SUSD1: variants seen among roughly 807,000 people sequenced by gnomAD.
SUSD1 encodes sushi domain containing 1, also known as sushi domain-containing protein 1.
In SUSD1, 65 loss-of-function variants were observed where a neutral mutation model predicts 86.9. The ratio of observed to expected loss-of-function variants is 0.75; its 90% confidence interval spans 0.61 to 0.92. The LOEUF (loss-of-function observed/expected upper bound fraction) is 0.92, where lower values mean the gene tolerates loss of function less well. Among genes scored for constraint, SUSD1 ranks in the 40% least tolerant of loss-of-function variants. SUSD1 has a pLI of 0.00. For missense variants in SUSD1, 850 were observed against 929.7 expected, an observed-to-expected ratio of 0.91 and a Z score of 1.11; for synonymous variants, 346 against 350.0, an observed-to-expected ratio of 0.99 and a Z score of 0.13.
At chr9:112,073,508 C>G (rs1371216923) in intron 12 of SUSD1, among the ~76,000 whole-genome samples, 1 of 148,548 alleles carries the variant, frequency 6.7e-6, no homozygotes, top group African/African-American at 2.5e-5. Context: ...CCCGCCCCCA[C>G]CCACCCCCAT....
chr9:112,073,511 A>AC (rs966505067), intron 12 of SUSD1, among the ~76,000 whole-genome samples: 1 of 68,452 alleles, frequency 1.5e-5, no homozygotes, highest in Non-Finnish European at 3.0e-5. Context: ...GCCCCCACCC[A>AC]CCCCCATCCT....
At chr9:112,084,585 C>T (rs573304050) in intron 10 of SUSD1, among the ~76,000 whole-genome samples, 3 of 152,260 alleles carry the variant, frequency 2.0e-5, no homozygotes, top group Admixed American at 6.5e-5. Context: ...ACTCTAGGTT[C>T]GCTTCCCTCC....
chr9:112,052,621 G>T (rs1828267596), intron 14 of SUSD1, among the ~76,000 whole-genome samples, 183 bp from the exon 15 acceptor site: 1 of 152,112 alleles, frequency 6.6e-6, no homozygotes, highest in Non-Finnish European at 1.5e-5. Flanking sequence ...GGACCGGCGT[G>T]GGTTGCATGG....
At chr9:112,107,839 G>A (rs1377397427) in intron 8 of SUSD1, among the ~76,000 whole-genome samples, 1 of 152,062 alleles carries the variant, frequency 6.6e-6, no homozygotes, top group Non-Finnish European at 1.5e-5. Flanking sequence ...ATTTCTAAGA[G>A]GAACAGAAAA....
chr9:112,086,550 GAAAGAAAGAA>G (rs1362261030), intron 10 of SUSD1, among the ~76,000 whole-genome samples: 1 of 128,992 alleles, frequency 7.8e-6, no homozygotes, highest in African/African-American at 3.1e-5. Context: ...AAGAAAGAAA[GAAAGAAAGAA>G]AGAGAGAGAG....
intron 8 of SUSD1, among the ~76,000 whole-genome samples, chr9:112,104,328 C>T (rs1224022946): frequency 6.6e-6 from 1 of 151,726 alleles, no homozygotes; most frequent in Non-Finnish European, 1.5e-5. Flanking sequence ...CCTCACCAGG[C>T]AATCTGATAG....
At position 112,058,694 on chromosome 9, in the gene SUSD1, A is replaced by T. The variant is rs1422283820; in HGVS notation, c.1851-8T>A. 6 of 1,613,362 alleles carry T rather than the reference A, an allele frequency of 3.7e-6. No homozygotes were observed. Among genetic ancestry groups the T allele is most frequent in the South Asian group, 1.1e-5 (1 of 91,040 alleles). ...ACTAACACCTGATATGAACTGGAAG[A>T]AAAAAGGAGAAGTGTCCATCAGACC... On this transcript the variant is annotated splice_region_variant and splice_polypyrimidine_tract_variant and intron_variant, in intron 13 of 16. Coordinates refer to ENST00000374270, the MANE Select transcript of SUSD1 (RefSeq NM_022486.5).
intron 5 of SUSD1, among the ~76,000 whole-genome samples, chr9:112,125,983 C>T (rs1199463206): frequency 1.3e-5 from 2 of 152,160 alleles, no homozygotes; most frequent in African/African-American, 4.8e-5. Context: ...CTTTGGTTCC[C>T]TTTTCATGCA....
chr9:112,166,780 T>C (rs1424329402), intron 1 of SUSD1, among the ~76,000 whole-genome samples: 1 of 151,944 alleles, frequency 6.6e-6, no homozygotes, highest in Non-Finnish European at 1.5e-5. Flanking sequence ...AGCAGGGAGG[T>C]GGTTGCCATG....
chr9:112,154,988 C>T (rs1264602441), intron 2 of SUSD1, among the ~76,000 whole-genome samples: 10 of 151,956 alleles, frequency 6.6e-5, no homozygotes, highest in East Asian at 1.9e-4. Context: ...CGGTGGCTCA[C>T]GTCTGTAATC....
intron 5 of SUSD1, among the ~76,000 whole-genome samples, chr9:112,127,651 G>A (rs932591572): frequency 6.6e-6 from 1 of 152,172 alleles, no homozygotes; most frequent in African/African-American, 2.4e-5. Context: ...AGTGAACAAA[G>A]TGGGTAAGAT....
chr9:112,140,121 G>C (rs1832494656), intron 5 of SUSD1, among the ~76,000 whole-genome samples: 1 of 87,426 alleles, frequency 1.1e-5, no homozygotes, highest in Non-Finnish European at 2.2e-5. Flanking sequence ...CCAGCACTTT[G>C]GGAGGCCGAG....
At chr9:112,156,387 C>T (rs1038423732) in intron 2 of SUSD1, among the ~76,000 whole-genome samples, 1 of 150,808 alleles carries the variant, frequency 6.6e-6, no homozygotes, top group Admixed American at 6.7e-5. Flanking sequence ...ACTTGAACCT[C>T]GGAGGCGGAG....
At chr9:112,047,122 G>A (rs1238782410) in intron 15 of SUSD1, among the ~76,000 whole-genome samples, 1 of 152,190 alleles carries the variant, frequency 6.6e-6, no homozygotes, top group Non-Finnish European at 1.5e-5. Flanking sequence ...GGGTGTACAG[G>A]AGGCAAGGCT....
intron 1 of SUSD1, among the ~76,000 whole-genome samples, chr9:112,166,371 C>T (rs892593651): frequency 6.6e-6 from 1 of 152,186 alleles, no homozygotes; most frequent in Non-Finnish European, 1.5e-5. Context: ...GACAGCTGGT[C>T]ATGCTTCCTG....
intron 10 of SUSD1, among the ~76,000 whole-genome samples, chr9:112,093,920 T>C (rs762357727): frequency 8.5e-5 from 13 of 152,214 alleles, no homozygotes; most frequent in Non-Finnish European, 1.9e-4. Flanking sequence ...GATGGAATTA[T>C]TTTAGCTACC....
At chr9:112,125,748 T>C (rs545332248) in intron 5 of SUSD1, among the ~76,000 whole-genome samples, 1 of 152,308 alleles carries the variant, frequency 6.6e-6, no homozygotes, top group South Asian at 2.1e-4. Flanking sequence ...TGTTTCCATA[T>C]CCCCATCAGC....
intron 16 of SUSD1, 33 bp downstream of exon 16, chr9:112,041,834 C>G: frequency 2.5e-6 from 4 of 1,594,168 alleles, no homozygotes; most frequent in Non-Finnish European, 3.4e-6. Context: ...CCCTCCATTC[C>G]AGTCATTTCT....
At chr9:112,170,650 T>G (rs1032079953) in intron 1 of SUSD1, among the ~76,000 whole-genome samples, 9 of 150,060 alleles carry the variant, frequency 6.0e-5, no homozygotes, top group Non-Finnish European at 1.2e-4. Flanking sequence ...CAGCCCATGT[T>G]GCCAGTGACA....
Sources: gnomAD v4.1 joint callset for allele counts (sites outside exome capture counted in the v4.1 genomes callset) on GRCh38, gnomAD v4.1.1 for gene constraint, MANE v1.5 for transcripts, NCBI Gene and HGNC (gene_info 2026-07-23, HGNC 2026-07-21) for gene names.